Variants in CHRM3 observed in about 807,000 individuals in gnomAD.
CHRM3 encodes the protein cholinergic receptor muscarinic 3, also known as muscarinic acetylcholine receptor M3.
In CHRM3, 11 loss-of-function variants were observed where a neutral mutation model predicts 41.8. That is an observed-to-expected ratio of 0.26 (90% confidence interval 0.17 to 0.44). CHRM3 has a LOEUF of 0.44. Ranked by LOEUF, CHRM3 falls within the 20% of genes least tolerant of loss-of-function variation. The pLI, the probability that CHRM3 is intolerant of heterozygous loss-of-function variation, is 1.00. For synonymous variants in CHRM3, 297 were observed against 301.4 expected (o/e 0.99, Z 0.15); for missense variants, 571 against 745.4 (o/e 0.77, Z 2.72).
intron 5 of CHRM3, among the ~76,000 whole-genome samples, chr1:239,795,446 A>G (rs73127372): frequency 0.05 from 7,643 of 152,272 alleles, 604 homozygotes; most frequent in African/African-American, 0.17. Context: ...CCCTTATGCC[A>G]GGGGTTAGCA....
chr1:239,536,899 G>A (rs1047184361), intron 2 of CHRM3, among the ~76,000 whole-genome samples: 2 of 152,198 alleles, frequency 1.3e-5, no homozygotes, highest in Admixed American at 6.5e-5. Flanking sequence ...AACTGTTGAT[G>A]TATACTGATA....
rs186135888 is a variant in CHRM3, at chr1:239,801,863, C to T, written c.-146-25389C>T. ...TAGAAGCTTTTGTAGCATTTCCCCA[C>T]ACATATGATACCATTACTTTCATGT... On this transcript the variant is annotated intron_variant, in intron 5 of 6. Transcript: ENST00000676153. Among the ~76,000 whole-genome samples, 601 of 152,230 alleles carry T rather than the reference C, an allele frequency of 3.9e-3. 6 individuals are homozygous for T. The highest frequency in any genetic ancestry group is 4.1e-3 in the Non-Finnish European group (281 of 68,010).
intron 2 of CHRM3, among the ~76,000 whole-genome samples, chr1:239,525,993 A>G (rs1669969786): frequency 1.3e-5 from 2 of 152,176 alleles, no homozygotes; most frequent in African/African-American, 4.8e-5. Context: ...TGCTTCTATC[A>G]GCCATCCAGG....
intron 4 of CHRM3, among the ~76,000 whole-genome samples, chr1:239,638,840 T>C (rs573949095): frequency 2.0e-5 from 3 of 152,322 alleles, no homozygotes; most frequent in South Asian, 2.1e-4. Flanking sequence ...TCCTTGCCCA[T>C]GTCTATGTCC....
Position 239,908,129 on chromosome 1 carries a change from C to T in CHRM3, c.678C>T (p.Leu226=). ...VPPGECFIQF[L]SEPTITFGTA... is the part of the protein sequence containing the mutation. ...CGGGAGAGTGCTTCATTCAGTTCCT[C>T]AGTGAGCCCACCATTACTTTTGGCA... is the stretch of plus-strand genomic sequence containing the variant. Residue 226 remains leucine, a synonymous_variant, in exon 7 of 7, where the codon CTC becomes CTT. Transcript: ENST00000676153. This position sits in a 1 kb window ranked among gnomAD's most constrained non-coding sequence, Gnocchi z 7.2. The T allele has an allele frequency of 6.2e-7, 1 of 1,614,166 alleles. No individual in the cohort carries two copies. Among genetic ancestry groups the T allele is most frequent in the Non-Finnish European group, 8.5e-7 (1 of 1,180,052 alleles).
chr1:239,606,121 C>CA (rs1192915770), intron 3 of CHRM3: 3 of 151,800 alleles, frequency 2.0e-5, no homozygotes, highest in Admixed American at 2.0e-4. Context: ...AAGAGATTTG[C>CA]AAAAAATGTA....
At chr1:239,407,340 T>C (rs991566873) in intron 1 of CHRM3, among the ~76,000 whole-genome samples, 2 of 151,708 alleles carry the variant, frequency 1.3e-5, no homozygotes, top group East Asian at 3.9e-4. Flanking sequence ...AATATATATT[T>C]ATTTTTTCAC....
At chr1:239,883,887 A>G (rs1017542868) in intron 6 of CHRM3, among the ~76,000 whole-genome samples, 4 of 152,240 alleles carry the variant, frequency 2.6e-5, no homozygotes, top group African/African-American at 9.6e-5. Context: ...CTTTTGAAGT[A>G]TTTTTGAAAG....
chr1:239,554,729 CTTTT>C, intron 3 of CHRM3, among the ~76,000 whole-genome samples: 1 of 122,952 alleles, frequency 8.1e-6, no homozygotes, highest in African/African-American at 3.0e-5. Context: ...GTATTTCTTT[CTTTT>C]TTTTTTTTTT....
chr1:239,704,654 G>A (rs1660977037), intron 5 of CHRM3: 1 of 152,140 alleles, frequency 6.6e-6, no homozygotes, highest in Middle Eastern at 3.2e-3. Context: ...AAGGAGGAAA[G>A]GTTAGCCCTT....
chr1:239,899,295 G>GTT (rs1679284191), intron 6 of CHRM3, among the ~76,000 whole-genome samples: 1 of 137,582 alleles, frequency 7.3e-6, no homozygotes. Context: ...GTGTGTGTGT[G>GTT]TGTGTGTGTG....
intron 4 of CHRM3, among the ~76,000 whole-genome samples, chr1:239,667,411 C>G (rs912539172): frequency 3.9e-5 from 6 of 152,144 alleles, no homozygotes; most frequent in African/African-American, 1.2e-4. Context: ...CTGTCATGTG[C>G]GGAGACTCAT....
At chr1:239,606,378 C>G (rs987938588) in intron 3 of CHRM3, among the ~76,000 whole-genome samples, 1 of 151,922 alleles carries the variant, frequency 6.6e-6, no homozygotes, top group Non-Finnish European at 1.5e-5. Context: ...TGGGTTCATG[C>G]CATTCTCCTG....
At chr1:239,634,374 A>AATGAAAGAAAG (rs752532235) in intron 4 of CHRM3, among the ~76,000 whole-genome samples, 1 of 149,114 alleles carries the variant, frequency 6.7e-6, no homozygotes, top group Non-Finnish European at 1.5e-5. Flanking sequence ...AGCAAGAACA[A>AATGAAAGAAAG]ACGAAAGAAA....
intron 1 of CHRM3, among the ~76,000 whole-genome samples, chr1:239,404,402 A>AAG (rs1447949999): frequency 0.015 from 995 of 64,676 alleles, 30 homozygotes; most frequent in Admixed American, 0.051. Context: ...GAAAGAAAGA[A>AAG]AGAAAGAAAA....
intron 2 of CHRM3, among the ~76,000 whole-genome samples, chr1:239,527,645 T>C (rs979363128): frequency 1.3e-5 from 2 of 152,242 alleles, no homozygotes; most frequent in African/African-American, 4.8e-5. Flanking sequence ...CATCAGTCAA[T>C]TGTGCTTTTC....
chr1:239,870,285 C>T (rs1380631423), intron 6 of CHRM3, among the ~76,000 whole-genome samples: 1 of 152,188 alleles, frequency 6.6e-6, no homozygotes, highest in Non-Finnish European at 1.5e-5. Context: ...GCTGAGCCAG[C>T]CTGTCCATCT....
intron 5 of CHRM3, among the ~76,000 whole-genome samples, chr1:239,690,060 GAGA>G (rs1659562744): frequency 1.1e-5 from 1 of 93,698 alleles, no homozygotes; most frequent in African/African-American, 6.4e-5. Context: ...GAGAGAGAGA[GAGA>G]GAGACAGAGA....
intron 6 of CHRM3, among the ~76,000 whole-genome samples, chr1:239,873,715 C>T (rs1304996516): frequency 1.3e-5 from 2 of 152,164 alleles, no homozygotes; most frequent in African/African-American, 2.4e-5. Flanking sequence ...GCCTGGTTTG[C>T]GTTTCTCTGC....
Sources: gnomAD v4.1 joint callset for allele counts (sites outside exome capture counted in the v4.1 genomes callset) on GRCh38, gnomAD v4.1.1 for gene constraint, Gnocchi (gnomAD v3.1) non-coding constraint, MANE v1.5 for transcripts, NCBI Gene and HGNC (gene_info 2026-07-23, HGNC 2026-07-21) for gene names.